The following DAB2IP variants were observed in gnomAD, a reference collection of about 807,000 sequenced individuals.
DAB2IP encodes DAB2 interacting protein.
A neutral mutation model predicts 107.2 loss-of-function variants in DAB2IP; 28 were observed. That is an observed-to-expected ratio of 0.26 (90% CI 0.19 to 0.36). The LOEUF (loss-of-function observed/expected upper bound fraction) is 0.36. Ranked by LOEUF, DAB2IP falls within the 10% of genes least tolerant of loss-of-function variation. The pLI, the probability that DAB2IP is intolerant of heterozygous loss-of-function variation, is 1.00. For synonymous variants in DAB2IP, 755 were observed against 706.4 expected (o/e 1.07, Z -1.09); for missense variants, 1,400 against 1,644.7 (o/e 0.85, Z 2.57).
At chr9:121,584,759 T>C (rs990213659) in intron 1 of DAB2IP, among the ~76,000 whole-genome samples, 1 of 152,168 alleles carries the variant, frequency 6.6e-6, no homozygotes, top group African/African-American at 2.4e-5. Context: ...GCAGAGTGGC[T>C]GGAGGGGGAT....
intron 1 of DAB2IP, among the ~76,000 whole-genome samples, chr9:121,616,497 T>G (rs1042114545): frequency 9.2e-5 from 14 of 152,150 alleles, no homozygotes; most frequent in Admixed American, 5.9e-4. Context: ...TTAAAGGCGT[T>G]GGCGGCTAGC....
rs944630640 is a variant in DAB2IP at position 121,635,595 on chromosome 9, G to T, written c.41-43083G>T. Among the ~76,000 whole-genome samples the T allele has an allele frequency of 3.3e-5, 5 of 152,182 alleles. No homozygotes were observed. Among genetic ancestry groups the T allele is most frequent in the African/African-American group, 1.2e-4 (5 of 41,442 alleles). ...GGGAAGAAGGCCACCTGAGAGAGAG[G>T]TTAGGAAGCACCAGGGCAACCACAG... On this transcript the variant is annotated intron_variant, in intron 1 of 16. Coordinates refer to the DAB2IP transcript ENST00000259371. This position sits in a 1 kb window ranked among gnomAD's most constrained non-coding sequence, Gnocchi z 4.3.
chr9:121,625,537 T>C (rs1589422777), intron 1 of DAB2IP, among the ~76,000 whole-genome samples: 2 of 152,270 alleles, frequency 1.3e-5, no homozygotes. Context: ...GCTGGGATTA[T>C]AGGCGTGAGC....
At chr9:121,768,597 C>T (rs1234118139) in exon 10 of DAB2IP, 10 of 1,613,986 alleles carry the variant, frequency 6.2e-6, no homozygotes, top group Non-Finnish European at 8.5e-6. Context: ...CCAGCCTGCA[C>T]TCACTGCTCT....
chr9:121,569,480 C>T (rs1757321), intron 1 of DAB2IP, among the ~76,000 whole-genome samples: 43,731 of 152,082 alleles, frequency 0.29, 6,745 homozygotes, highest in African/African-American at 0.34. Flanking sequence ...GCTGCTGTAA[C>T]GAAATAGACA....
intron 1 of DAB2IP, among the ~76,000 whole-genome samples, chr9:121,673,736 T>G (rs1455558660): frequency 2.0e-5 from 3 of 152,182 alleles, no homozygotes; most frequent in South Asian, 2.1e-4. Flanking sequence ...GGCAGGTGGC[T>G]GGCTCCGTGG....
At chr9:121,573,096 G>A (rs1829986213) in intron 1 of DAB2IP, among the ~76,000 whole-genome samples, 2 of 152,128 alleles carry the variant, frequency 1.3e-5, no homozygotes, top group Non-Finnish European at 2.9e-5. Flanking sequence ...TTGTTTTTGA[G>A]ATGGAGTTTC....
At chr9:121,692,869 C>T (rs1419502683) in intron 2 of DAB2IP, among the ~76,000 whole-genome samples, 1 of 152,164 alleles carries the variant, frequency 6.6e-6, no homozygotes, top group Non-Finnish European at 1.5e-5. Context: ...GACCGGGGAA[C>T]AGGGAAGGGG....
Position 121,573,685 on chromosome 9 carries a change from C to G in DAB2IP, c.40+6457C>G, listed in dbSNP as rs966309575. Among the ~76,000 whole-genome samples, 10 of 152,224 alleles carry G rather than the reference C, an allele frequency of 6.6e-5. No individual in the cohort carries two copies. In the East Asian group the frequency reaches 1.9e-3, roughly 29 times the overall value. On this transcript the variant is annotated intron_variant, in intron 1 of 16. Transcript: ENST00000259371. ...GGTGTGAGCCACTGCATCTGGCCTACATTGTCTTCTGAATCCTTGCAATAC... is the reference window on the plus strand; with the variant it reads ...GGTGTGAGCCACTGCATCTGGCCTAGATTGTCTTCTGAATCCTTGCAATAC...
chr9:121,783,163 CCTG>C, exon 16 of DAB2IP: 1 of 1,084,176 alleles, frequency 9.2e-7, no homozygotes. Flanking sequence ...CAGAGCACCA[CCTG>C]CTACCTTCTT....
intron 1 of DAB2IP, among the ~76,000 whole-genome samples, chr9:121,631,083 G>T (rs1439598378): frequency 6.6e-6 from 1 of 152,156 alleles, no homozygotes; most frequent in South Asian, 2.1e-4. Flanking sequence ...CTGTCAAATG[G>T]ACTGAAGTCT....
In DAB2IP at chr9:121,772,920, G is replaced by C; in HGVS notation, c.2392G>C (p.Ala798Pro). The C allele has an allele frequency of 6.4e-7, 1 of 1,563,840 alleles. No homozygotes were observed. The highest frequency in any genetic ancestry group is 8.6e-7 in the Non-Finnish European group (1 of 1,159,028). The change falls in exon 12 of 16, where the codon GCC becomes CCC. Residue 798 changes from alanine to proline, a missense_variant. Coordinates refer to ENST00000408936, the Ensembl canonical transcript of DAB2IP. The surrounding 1 kb of genome is among the most constrained non-coding windows in gnomAD (Gnocchi z 4.7). ...AACCCCAGTGAACCTGGCAGGGCTG[G>C]CCACGGTGCGGCGGGCAGGCCAGAC...
intron 1 of DAB2IP, among the ~76,000 whole-genome samples, chr9:121,595,518 C>T (rs1830511821): frequency 6.6e-6 from 1 of 151,178 alleles, no homozygotes; most frequent in Non-Finnish European, 1.5e-5. Flanking sequence ...TGGGAGAATC[C>T]CTTGATCCTG....
intron 1 of DAB2IP, among the ~76,000 whole-genome samples, chr9:121,641,968 CTCTCTTTCTTTCTT>C (rs1832328988): frequency 5.9e-5 from 6 of 101,824 alleles, no homozygotes; most frequent in African/African-American, 2.0e-4. Context: ...CTTTCTCTCT[CTCTCTTTCTTTCTT>C]TCTTTCTTTC....
intron 1 of DAB2IP, among the ~76,000 whole-genome samples, chr9:121,581,280 G>A (rs1056802825): frequency 3.9e-5 from 6 of 152,100 alleles, no homozygotes; most frequent in African/African-American, 4.8e-5. Context: ...GGCTACCTTC[G>A]CCAGACCTGC....
At chr9:121,714,921 G>A (rs1343921060) in intron 3 of DAB2IP, among the ~76,000 whole-genome samples, 1 of 152,204 alleles carries the variant, frequency 6.6e-6, no homozygotes, top group Non-Finnish European at 1.5e-5. Flanking sequence ...TATAGGAGGG[G>A]CTGCCACGGG....
chr9:121,776,193 G>T lies in DAB2IP; in HGVS notation c.3121-5G>T, dbSNP rs1367435163. ...CTGTGCCCGTGGACGCTGCCCTCCTGGTAGGACCTGGCGGTGCTGCAGGAC... is the reference window on the plus strand; with the variant it reads ...CTGTGCCCGTGGACGCTGCCCTCCTTGTAGGACCTGGCGGTGCTGCAGGAC... On this transcript the variant is annotated splice_region_variant and splice_polypyrimidine_tract_variant and intron_variant, in intron 13 of 15. Transcript: ENST00000408936. The surrounding 1 kb of genome is among the most constrained non-coding windows in gnomAD (Gnocchi z 5.4). The T allele has an allele frequency of 6.4e-7, 1 of 1,568,788 alleles. No individual in the cohort carries two copies. The highest frequency in any genetic ancestry group is 2.3e-5 in the East Asian group (1 of 42,666).
At chr9:121,687,481 G>A (rs181676126) in intron 2 of DAB2IP, among the ~76,000 whole-genome samples, 1 of 152,302 alleles carries the variant, frequency 6.6e-6, no homozygotes, top group Admixed American at 6.5e-5. Flanking sequence ...TGGGTTATAG[G>A]CACCTGTTCC....
intron 1 of DAB2IP, among the ~76,000 whole-genome samples, chr9:121,660,683 TA>T (rs1833164265): frequency 1.3e-5 from 2 of 152,226 alleles, no homozygotes; most frequent in Non-Finnish European, 2.9e-5. Context: ...GAGTTTCCCA[TA>T]ACATCCATTT....
Sources: allele counts gnomAD v4.1 joint callset (sites outside exome capture counted in the v4.1 genomes callset), GRCh38; gene constraint gnomAD v4.1.1; non-coding constraint Gnocchi (gnomAD v3.1); transcripts MANE v1.5; gene names NCBI Gene and HGNC (gene_info 2026-07-23, HGNC 2026-07-21).